NEURL1: variants seen among roughly 807,000 people sequenced by gnomAD.
NEURL1 encodes the protein E3 ubiquitin-protein ligase NEURL1.
Under a neutral mutation model 41.2 loss-of-function variants are expected in NEURL1, and 26 were observed. The ratio of observed to expected loss-of-function variants is 0.63; its 90% CI spans 0.46 to 0.87. The LOEUF is 0.87. Ranked by LOEUF, NEURL1 falls within the 40% of genes least tolerant of loss-of-function variation. The pLI is 0.00. For missense variants in NEURL1, 761 were observed against 871.1 expected (o/e 0.87, Z 1.59); for synonymous variants, 400 against 402.3 (o/e 0.99, Z 0.07).
At chr10:103,576,314 A>T (rs1314051626) in intron 3 of NEURL1, among the ~76,000 whole-genome samples, 1 of 112,198 alleles carries the variant, frequency 8.9e-6, no homozygotes, top group African/African-American at 2.6e-5. Flanking sequence ...TAGGTCAGAC[A>T]GGGGGGTGTC....
intron 1 of NEURL1, among the ~76,000 whole-genome samples, chr10:103,533,799 G>C (rs556142488): frequency 6.6e-6 from 1 of 152,098 alleles, no homozygotes; most frequent in Admixed American, 6.5e-5. Context: ...GCCTCCCAAA[G>C]TGCTGGGATT....
At chr10:103,503,500 A>G (rs975099516) in intron 1 of NEURL1, among the ~76,000 whole-genome samples, 5 of 152,088 alleles carry the variant, frequency 3.3e-5, no homozygotes, top group Non-Finnish European at 5.9e-5. Flanking sequence ...TTCTCTGAGG[A>G]TGAGAGTTGG....
At chr10:103,525,312 C>A (rs1282176131) in intron 1 of NEURL1, among the ~76,000 whole-genome samples, 1 of 148,588 alleles carries the variant, frequency 6.7e-6, no homozygotes, top group Non-Finnish European at 1.5e-5. Context: ...TATTAGTTCT[C>A]AGAGTTTTTT....
chr10:103,554,182 C>T (rs1592217708), intron 1 of NEURL1, among the ~76,000 whole-genome samples: 1 of 152,340 alleles, frequency 6.6e-6, no homozygotes, highest in South Asian at 2.1e-4. Flanking sequence ...GCCATCCCAG[C>T]CTCCCTCTTC....
At chr10:103,578,615 A>G (rs1311806902) in intron 3 of NEURL1, among the ~76,000 whole-genome samples, 2 of 152,296 alleles carry the variant, frequency 1.3e-5, no homozygotes, top group Non-Finnish European at 2.9e-5. Flanking sequence ...AGACCAGATG[A>G]TTCTATAAAT....
chr10:103,562,774 C>T lies in NEURL1; in HGVS notation c.86-8098C>T, dbSNP rs146974665. Among the ~76,000 whole-genome samples, 710 of 152,160 alleles carry T rather than the reference C, an allele frequency of 4.7e-3. 5 individuals are homozygous for T. Among genetic ancestry groups the T allele is most frequent in the African/African-American group, 0.016 (665 of 41,484 alleles). On this transcript the variant is annotated intron_variant, in intron 1 of 5. Transcript: ENST00000369780. Reference sequence around the variant, plus strand: ...GAGACTTCTGGGAAAAATCTACGTCCGAAGGATGCATGAGAAAGGCAGATA... The same window carrying T: ...GAGACTTCTGGGAAAAATCTACGTCTGAAGGATGCATGAGAAAGGCAGATA...
At chr10:103,513,331 G>A (rs1420991512) in intron 1 of NEURL1, among the ~76,000 whole-genome samples, 1 of 152,250 alleles carries the variant, frequency 6.6e-6, no homozygotes, top group Admixed American at 6.5e-5. Context: ...GAACTGGGCC[G>A]TGGCAGGGAA....
intron 1 of NEURL1, among the ~76,000 whole-genome samples, chr10:103,516,756 AT>A (rs1386735884): frequency 2.0e-5 from 3 of 152,114 alleles, no homozygotes; most frequent in Non-Finnish European, 4.4e-5. Flanking sequence ...AAAAATGTAG[AT>A]TCCTCCTCAG....
Position 103,584,669 on chromosome 10 carries a change from C to A in NEURL1, c.783C>A (p.Asp261Glu), listed in dbSNP as rs1391746965. ...SLCDLNVPGA[D>E]GDEAAPAAGC... The stretch of plus-strand genomic sequence containing the variant: ...GCGACCTCAACGTGCCGGGCGCGGA[C>A]GGCGACGAGGCCGCGCCGGCCGCCG... The change falls in exon 4 of 6, where the codon GAC becomes GAA. Residue 261 changes from aspartate (D) to glutamate (E), a missense_variant. Asp to Glu is a conservative substitution (Grantham distance 45). This residue lies in a region of NEURL1 where 443 missense variants were observed against 408.1 expected (regional missense o/e 1.09). Coordinates refer to ENST00000369780, the MANE Select transcript of NEURL1 (RefSeq NM_004210.5). 5 of 1,427,532 alleles carry A rather than the reference C, an allele frequency of 3.5e-6. No individual in the cohort carries two copies. Among genetic ancestry groups the A allele is most frequent in the South Asian group, 1.4e-5 (1 of 69,280 alleles). The allele number at this position is 1,427,532 out of a possible 1,614,324, so 88.4% of individuals were successfully genotyped here.
chr10:103,538,975 A>G (rs1447245133), intron 1 of NEURL1, among the ~76,000 whole-genome samples: 1 of 112,540 alleles, frequency 8.9e-6, no homozygotes, highest in Non-Finnish European at 1.8e-5. Flanking sequence ...CAGACAGGGT[A>G]TTTCGCTGTT....
At chr10:103,518,971 G>A (rs993448968) in intron 1 of NEURL1, among the ~76,000 whole-genome samples, 23 of 152,202 alleles carry the variant, frequency 1.5e-4, no homozygotes, top group South Asian at 2.1e-4. Flanking sequence ...TTTTATAGGC[G>A]CAGTGTCTCA....
chr10:103,546,367 C>T (rs952576294), intron 1 of NEURL1, among the ~76,000 whole-genome samples: 1 of 152,250 alleles, frequency 6.6e-6, no homozygotes, highest in Non-Finnish European at 1.5e-5. Flanking sequence ...CCTCCTTGAG[C>T]CTCTGTTTTT....
In NEURL1 at chr10:103,584,868, A is replaced by C. The variant is rs1442577733; in HGVS notation, c.982A>C (p.Thr328Pro). The C allele has an allele frequency of 7.1e-7, 1 of 1,414,090 alleles. No individual in the cohort carries two copies. 87.6% of individuals were successfully genotyped at this position (1,414,090 alleles called of 1,614,324 possible). A position where few individuals can be genotyped will look rare whatever the true frequency, so the allele number is the denominator to read the frequency against. The change falls in exon 4 of 6, where the codon ACC (threonine) becomes CCC (proline). Residue 328 changes from threonine to proline, a missense_variant. Physicochemically the swap from Thr to Pro is conservative, Grantham distance 38. This residue lies in a region of NEURL1 where 443 missense variants were observed against 408.1 expected (regional missense o/e 1.09). Transcript: ENST00000369780. ...GCGCGACGAGCGCGCGCTCGTCTTC[A>C]CCAGCCGGCCCGTGCGCGTGGCCGA... Reference protein sequence around the residue: ...HGRDERALVFTSRPVRVAETI... With the variant: ...HGRDERALVFPSRPVRVAETI...
At chr10:103,497,873 C>T (rs2033723837) in intron 1 of NEURL1, among the ~76,000 whole-genome samples, 2 of 152,056 alleles carry the variant, frequency 1.3e-5, no homozygotes. Context: ...ACTGTCGAAA[C>T]CCAGATATGT....
chr10:103,513,905 G>A (rs887142425), intron 1 of NEURL1, among the ~76,000 whole-genome samples: 2 of 152,054 alleles, frequency 1.3e-5, no homozygotes, highest in African/African-American at 4.8e-5. Flanking sequence ...AGGAGGAAGG[G>A]GAGGTGAGAG....
rs750078509 is a variant in NEURL1 at position 103,566,303 on chromosome 10, C to T, written c.86-4569C>T. ...ACGAGATGAGGTCTCACGGTGTTGT[C>T]CAGGCTAAGATATGGAACATTTCTA... On this transcript the variant is annotated intron_variant, in intron 1 of 5. Coordinates refer to ENST00000369780, the MANE Select transcript of NEURL1 (RefSeq NM_004210.5). This position sits in a 1 kb window ranked among gnomAD's most constrained non-coding sequence, Gnocchi z 4.2. Among the ~76,000 whole-genome samples the T allele has an allele frequency of 5.7e-4, 87 of 152,072 alleles. No individual in the cohort carries two copies. The highest frequency in any genetic ancestry group is 1.2e-3 in the Non-Finnish European group (80 of 68,016).
At chr10:103,574,710 T>C (rs935223915) in intron 3 of NEURL1, among the ~76,000 whole-genome samples, 5 of 152,136 alleles carry the variant, frequency 3.3e-5, no homozygotes, top group Admixed American at 3.3e-4. Flanking sequence ...GAGGAGGGCT[T>C]GGAGAATAAT....
At chr10:103,501,096 C>G (rs1025943883) in intron 1 of NEURL1, among the ~76,000 whole-genome samples, 4 of 152,060 alleles carry the variant, frequency 2.6e-5, no homozygotes, top group African/African-American at 9.7e-5. Context: ...AGTCCTCTTG[C>G]CTGGATGTGG....
At chr10:103,575,323 G>A (rs910190496) in intron 3 of NEURL1, among the ~76,000 whole-genome samples, 3 of 152,166 alleles carry the variant, frequency 2.0e-5, no homozygotes, top group Admixed American at 2.0e-4. Flanking sequence ...GAAGAAAGTC[G>A]CTGTCCATCT....
Sources: allele counts gnomAD v4.1 joint callset (sites outside exome capture counted in the v4.1 genomes callset), GRCh38; gene constraint gnomAD v4.1.1; regional missense constraint gnomAD v4.1.1; non-coding constraint Gnocchi (gnomAD v3.1); transcripts MANE v1.5; gene names NCBI Gene and HGNC (gene_info 2026-07-23, HGNC 2026-07-21).